The following RALGAPA1 variants were observed in gnomAD, a reference collection of about 807,000 sequenced individuals.
The protein encoded by RALGAPA1 is Ral GTPase activating protein catalytic subunit alpha 1, also known as ral GTPase-activating protein subunit alpha-1.
Under a neutral mutation model 269.6 loss-of-function variants are expected in RALGAPA1, and 52 were observed. That is an observed-to-expected ratio of 0.19 (90% CI 0.15 to 0.24). RALGAPA1 has a LOEUF of 0.24. RALGAPA1 is among the 10% of genes least tolerant of loss of function. The pLI is 1.00. For missense variants in RALGAPA1, 1,917 were observed against 3,013.9 expected (o/e 0.64, Z 8.52); for synonymous variants, 817 against 1,008.3 (o/e 0.81, Z 3.60).
At chr14:35,681,496 A>G (rs1466979493) in intron 21 of RALGAPA1, among the ~76,000 whole-genome samples, 1 of 149,028 alleles carries the variant, frequency 6.7e-6, no homozygotes, top group African/African-American at 2.6e-5. Flanking sequence ...TTATTTTTAG[A>G]ACTTTTGTTT....
chr14:35,797,351 C>CAAAAAAGAAAAAAAA (rs2076644603), intron 1 of RALGAPA1, among the ~76,000 whole-genome samples: 1 of 60,134 alleles, frequency 1.7e-5, no homozygotes, highest in Non-Finnish European at 3.0e-5. Flanking sequence ...GACTCCGTCT[C>CAAAAAAGAAAAAAAA]AAAAAAAAAA....
In RALGAPA1 at chr14:35,635,502, C is replaced by T. The variant is rs202171502; in HGVS notation, c.5773G>A (p.Asp1925Asn). 15 of 1,605,648 alleles carry T rather than the reference C, an allele frequency of 9.3e-6. No homozygotes were observed. In the African/African-American group the frequency reaches 9.4e-5, roughly 10 times the overall value. ...QPFHATGAES[D>N]KTEKSVLNCI... ...TTGAGAACAGATTTTTCTGTTTTAT[C>T]GCTTTCTGCTCCCGTAGCATGAAAT... Residue 1925 changes from aspartate to asparagine, a missense_variant, in exon 32 of 42, where the codon GAT becomes AAT. Asp to Asn is a conservative substitution (Grantham distance 23, BLOSUM62 1). Transcript: ENST00000680220.
chr14:35,781,189 C>T (rs2075399517), intron 1 of RALGAPA1, among the ~76,000 whole-genome samples: 1 of 152,064 alleles, frequency 6.6e-6, no homozygotes. Flanking sequence ...TTACTACTAA[C>T]CCTACAGAAA....
chr14:35,767,909 G>T (rs1008570980), intron 4 of RALGAPA1, among the ~76,000 whole-genome samples: 1 of 152,024 alleles, frequency 6.6e-6, no homozygotes, highest in Admixed American at 6.6e-5. Context: ...CAAGGAGCTG[G>T]GACGACATGA....
intron 7 of RALGAPA1, among the ~76,000 whole-genome samples, chr14:35,753,110 G>A (rs756107648): frequency 3.9e-5 from 6 of 152,150 alleles, no homozygotes; most frequent in Non-Finnish European, 1.5e-5. Flanking sequence ...GAGTGGACAA[G>A]GAAGGTACGA....
chr14:35,759,372 T>C (rs964159379), intron 6 of RALGAPA1, among the ~76,000 whole-genome samples: 3 of 152,140 alleles, frequency 2.0e-5, no homozygotes, highest in Admixed American at 2.0e-4. Context: ...ACCCCCAGTG[T>C]GGTTGCACTT....
intron 35 of RALGAPA1, among the ~76,000 whole-genome samples, chr14:35,611,993 T>C (rs963377239): frequency 2.0e-5 from 3 of 152,186 alleles, no homozygotes; most frequent in African/African-American, 7.2e-5. Context: ...TTATAGTTAA[T>C]TGCTTTTTGA....
chr14:35,804,437 TGCACACTTGTAATCCCA>T (rs1380984102), intron 1 of RALGAPA1, among the ~76,000 whole-genome samples: 1 of 149,944 alleles, frequency 6.7e-6, no homozygotes, highest in Non-Finnish European at 1.5e-5. Flanking sequence ...GGCCTGATGG[TGCACACTTGTAATCCCA>T]GCTACTTAGG....
At chr14:35,808,632 T>C (rs1482685020) in intron 1 of RALGAPA1, 98 bp downstream of exon 1, 1 of 1,351,308 alleles carries the variant, frequency 7.4e-7, no homozygotes, top group Non-Finnish European at 1.0e-6. Flanking sequence ...TGCCCTCTCC[T>C]GCACCGCGCC....
intron 17 of RALGAPA1, among the ~76,000 whole-genome samples, chr14:35,692,873 G>C (rs2066607049): frequency 6.6e-6 from 1 of 151,826 alleles, no homozygotes. Context: ...CTGAGAAAAA[G>C]ACTAAATAAT....
At chr14:35,808,650 G>A (rs2077546306) in intron 1 of RALGAPA1, 80 bp downstream of exon 1, 3 of 1,477,162 alleles carry the variant, frequency 2.0e-6, no homozygotes, top group Admixed American at 2.0e-5. Context: ...GCCAGGTCCC[G>A]AGAGAGAGTC....
intron 31 of RALGAPA1, among the ~76,000 whole-genome samples, chr14:35,650,456 T>C (rs1372050573): frequency 6.6e-6 from 1 of 151,854 alleles, no homozygotes; most frequent in Admixed American, 6.6e-5. Context: ...AAGATGAAGA[T>C]GATGATGATA....
chr14:35,769,036 ATATATATATATATATATATATATATATAT>A (rs2074400893), intron 4 of RALGAPA1, among the ~76,000 whole-genome samples: 1 of 24,070 alleles, frequency 4.2e-5, no homozygotes, highest in Non-Finnish European at 6.8e-5. Context: ...AAAAAAAAAA[ATATATATATATATATATATATATATATAT>A]ACACACACAT....
intron 31 of RALGAPA1, among the ~76,000 whole-genome samples, chr14:35,649,191 C>CT (rs1323858468): frequency 6.6e-6 from 1 of 152,200 alleles, no homozygotes; most frequent in Admixed American, 6.5e-5. Flanking sequence ...ACTGCTCCAA[C>CT]AAAGCTGCTC....
chr14:35,684,888 A>G (rs1225753078), intron 20 of RALGAPA1, 41 bp downstream of exon 20: 4 of 1,571,780 alleles, frequency 2.5e-6, no homozygotes, highest in South Asian at 2.3e-5. Context: ...ACAGAAGACA[A>G]TCAACATAAA....
At chr14:35,773,778 T>C (rs1446122048) in intron 3 of RALGAPA1, among the ~76,000 whole-genome samples, 3 of 152,150 alleles carry the variant, frequency 2.0e-5, no homozygotes, top group Admixed American at 2.0e-4. Flanking sequence ...GATACTAACA[T>C]CAGCGTTACT....
chr14:35,659,586 T>C (rs1436248160), intron 27 of RALGAPA1, among the ~76,000 whole-genome samples: 2 of 151,904 alleles, frequency 1.3e-5, no homozygotes, highest in Non-Finnish European at 2.9e-5. Context: ...ATTTCCAAAA[T>C]ATTGAAGATG....
chr14:35,763,415 T>A (rs1464650922), intron 4 of RALGAPA1, among the ~76,000 whole-genome samples: 1 of 152,170 alleles, frequency 6.6e-6, no homozygotes, highest in Non-Finnish European at 1.5e-5. Flanking sequence ...GAAACCATTA[T>A]CTAGGCTTTG....
chr14:35,733,656 T>C (rs1293039812), intron 12 of RALGAPA1, among the ~76,000 whole-genome samples: 2 of 151,774 alleles, frequency 1.3e-5, no homozygotes, highest in African/African-American at 4.8e-5. Context: ...AGGTCATACC[T>C]CAAGGAACTA....
Sources: allele counts gnomAD v4.1 joint callset (sites outside exome capture counted in the v4.1 genomes callset), GRCh38; gene constraint gnomAD v4.1.1; transcripts MANE v1.5; gene names NCBI Gene and HGNC (gene_info 2026-07-23, HGNC 2026-07-21).